The following DNAH8 variants were observed in gnomAD, a reference collection of about 807,000 sequenced individuals.
DNAH8 encodes the protein dynein axonemal heavy chain 8.
Under a neutral mutation model 562.1 loss-of-function variants are expected in DNAH8, and 382 were observed. The ratio of observed to expected loss-of-function variants is 0.68; its 90% CI spans 0.63 to 0.74. The LOEUF (loss-of-function observed/expected upper bound fraction) is 0.74. DNAH8 is among the 30% of genes least tolerant of loss of function. DNAH8 has a pLI of 0.00. For synonymous variants in DNAH8, 1,881 were observed against 1,919.4 expected, an observed-to-expected ratio of 0.98 and a Z score of 0.52; for missense variants, 5,203 against 5,620.4, an observed-to-expected ratio of 0.93 and a Z score of 2.37.
chr6:38,870,872 C>T (rs776146786), intron 49 of DNAH8, among the ~76,000 whole-genome samples: 49 of 152,152 alleles, frequency 3.2e-4, no homozygotes, highest in Non-Finnish European at 5.0e-4. Context: ...TCTTCTTGTG[C>T]CAATCTGATA....
chr6:38,717,777 G>A (rs1018651556), intron 1 of DNAH8, among the ~76,000 whole-genome samples: 2 of 151,746 alleles, frequency 1.3e-5, no homozygotes, highest in Admixed American at 1.3e-4. Context: ...AGCTTATAAT[G>A]TACTTTATCA....
intron 80 of DNAH8, among the ~76,000 whole-genome samples, chr6:38,949,165 C>A (rs926725388): frequency 2.0e-5 from 3 of 152,162 alleles, no homozygotes; most frequent in Non-Finnish European, 2.9e-5. Flanking sequence ...TAATACCAAG[C>A]TTGAGAAACC....
intron 91 of DNAH8, among the ~76,000 whole-genome samples, chr6:39,022,627 G>T (rs1487934002): frequency 6.6e-6 from 1 of 152,230 alleles, no homozygotes; most frequent in Non-Finnish European, 1.5e-5. Context: ...CCTGCTCAGG[G>T]ATGGGCTGGC....
chr6:38,832,529 A>T lies in DNAH8; in HGVS notation c.4302+94A>T, dbSNP rs915561386. On this transcript the variant is annotated intron_variant, in intron 31 of 92. Coordinates refer to ENST00000327475, the MANE Select transcript of DNAH8 (RefSeq NM_001206927.2). Reference sequence around the variant, plus strand: ...GAACCCTGAGGAATAGGTACGTTGCATGTATGTGGCTATATTTGCGTATTT... The same window carrying T: ...GAACCCTGAGGAATAGGTACGTTGCTTGTATGTGGCTATATTTGCGTATTT... 6.9e-6 allele frequency: 5 copies of T among 727,554 alleles called. No individual in the cohort carries two copies. In the South Asian group the frequency reaches 9.4e-5, roughly 14 times the overall value. 45.1% of individuals were successfully genotyped at this position (727,554 alleles called of 1,614,324 possible).
At chr6:38,725,160 G>A (rs1189944398) in intron 3 of DNAH8, among the ~76,000 whole-genome samples, 1 of 151,792 alleles carries the variant, frequency 6.6e-6, no homozygotes, top group Non-Finnish European at 1.5e-5. Context: ...AAAATTAGCT[G>A]GGTGTGGTGG....
In DNAH8 at chr6:38,909,570, G is replaced by T; in HGVS notation, c.9566G>T (p.Gly3189Val). 3 of 1,614,126 alleles carry T rather than the reference G, an allele frequency of 1.9e-6. No individual in the cohort carries two copies. Among genetic ancestry groups the T allele is most frequent in the Non-Finnish European group, 2.5e-6 (3 of 1,180,002 alleles). The change falls in exon 65 of 93, where the codon GGT becomes GTT. Residue 3189 changes from glycine (G) to valine (V), a missense_variant. Gly to Val is a moderately radical substitution (Grantham distance 109). Transcript: ENST00000327475. ...RSLKFPGLIS[G>V]CTMDWFSRWP... is the part of the protein sequence containing the mutation. ...TTGAAATTTCCTGGCTTGATATCAGGTTGCACTATGGACTGGTTCAGCCGC... is the reference window on the plus strand; with the variant it reads ...TTGAAATTTCCTGGCTTGATATCAGTTTGCACTATGGACTGGTTCAGCCGC...
At chr6:38,894,471 T>C (rs561373019) in intron 58 of DNAH8, among the ~76,000 whole-genome samples, 2 of 152,342 alleles carry the variant, frequency 1.3e-5, no homozygotes, top group South Asian at 4.1e-4. Flanking sequence ...CTGCATCCAG[T>C]GCCTTGGTCT....
chr6:38,830,210 GT>G (rs1287345932), intron 30 of DNAH8, among the ~76,000 whole-genome samples: 2 of 151,688 alleles, frequency 1.3e-5, no homozygotes, highest in African/African-American at 4.8e-5. Flanking sequence ...GTTCCTCTTT[GT>G]TTAATTTGCA....
At chr6:38,736,273 AC>A (rs1764079806) in intron 5 of DNAH8, among the ~76,000 whole-genome samples, 1 of 152,198 alleles carries the variant, frequency 6.6e-6, no homozygotes, top group Admixed American at 6.5e-5. Context: ...ATATTTGTTT[AC>A]ATCATTAGAA....
In DNAH8 at chr6:38,786,727, A is replaced by T. The variant is rs1264387299; in HGVS notation, c.2396-38A>T. ...AAACACAGCTGGAAGCAGAAAGGAA[A>T]TTCAGAATGAGTAATGTCAATCATT... is the stretch of plus-strand genomic sequence containing the variant. On this transcript the variant is annotated intron_variant, in intron 17 of 92. Coordinates refer to ENST00000327475, the MANE Select transcript of DNAH8 (RefSeq NM_001206927.2). 4 of 1,588,684 alleles carry T rather than the reference A, an allele frequency of 2.5e-6. No individual in the cohort carries two copies. The South Asian group carries it at 4.6e-5, about 18-fold the overall frequency.
chr6:38,951,946 T>A (rs1304463070), intron 82 of DNAH8, among the ~76,000 whole-genome samples: 3 of 152,244 alleles, frequency 2.0e-5, no homozygotes, highest in Admixed American at 2.0e-4. Context: ...ATTTCATTGC[T>A]TTCACTTAAT....
chr6:38,744,651 G>A (rs1764783243), intron 8 of DNAH8, among the ~76,000 whole-genome samples: 3 of 152,038 alleles, frequency 2.0e-5, no homozygotes, highest in South Asian at 4.1e-4. Flanking sequence ...GGAGTGCAGT[G>A]GCACTATCAT....
At position 38,974,538 on chromosome 6, in the gene DNAH8, A is replaced by G. The variant is rs1382515872; in HGVS notation, c.12834+9A>G. The G allele has an allele frequency of 1.2e-6, 2 of 1,610,566 alleles. No individual in the cohort carries two copies. Among genetic ancestry groups the G allele is most frequent in the African/African-American group, 1.3e-5 (1 of 74,884 alleles). On this transcript the variant is annotated intron_variant, in intron 85 of 92. Coordinates refer to ENST00000327475, the MANE Select transcript of DNAH8 (RefSeq NM_001206927.2). ...TACACTCCACTGTGCAGGTAACTGC[A>G]GAAAGCAGTTTTCACATTTAGGAGA... is the stretch of plus-strand genomic sequence containing the variant.
chr6:38,743,816 C>A (rs181802890), intron 8 of DNAH8, among the ~76,000 whole-genome samples: 1 of 152,038 alleles, frequency 6.6e-6, no homozygotes, highest in African/African-American at 2.4e-5. Flanking sequence ...TTATGCATAA[C>A]GCTGCTATGA....
chr6:38,740,323 C>T (rs1764424329), intron 7 of DNAH8, among the ~76,000 whole-genome samples: 1 of 152,062 alleles, frequency 6.6e-6, no homozygotes, highest in Admixed American at 6.5e-5. Flanking sequence ...TTGAATTTTC[C>T]ATCCATGAAC....
intron 17 of DNAH8, 127 bp downstream of exon 17, chr6:38,783,266 A>T: frequency 1.4e-6 from 1 of 724,406 alleles, no homozygotes; most frequent in Non-Finnish European, 2.2e-6. Context: ...AGATTTAGGG[A>T]TGCTACAGTG....
At chr6:38,918,887 G>T (rs953440349) in intron 70 of DNAH8, among the ~76,000 whole-genome samples, 2 of 152,114 alleles carry the variant, frequency 1.3e-5, no homozygotes, top group East Asian at 1.9e-4. Context: ...ATGAGGAGTC[G>T]GTGGGCAGGG....
At chr6:38,729,708 CATTAATGTAGGTT>C (rs1173716334) in intron 3 of DNAH8, among the ~76,000 whole-genome samples, 181 bp from the exon 4 acceptor site, 1 of 152,134 alleles carries the variant, frequency 6.6e-6, no homozygotes, top group Non-Finnish European at 1.5e-5. Flanking sequence ...ATATGTAGGT[CATTAATGTAGGTT>C]CAGAAATATA....
intron 87 of DNAH8, among the ~76,000 whole-genome samples, chr6:38,984,729 T>C (rs951701668): frequency 5.3e-5 from 8 of 152,098 alleles, no homozygotes; most frequent in African/African-American, 9.7e-5. Context: ...AGGCGGAGGT[T>C]GCAGTGAACC....
Sources: allele counts gnomAD v4.1 joint callset (sites outside exome capture counted in the v4.1 genomes callset), GRCh38; gene constraint gnomAD v4.1.1; transcripts MANE v1.5; gene names NCBI Gene and HGNC (gene_info 2026-07-23, HGNC 2026-07-21).